Variants in AFF1 observed in about 807,000 individuals in gnomAD.
AFF1 encodes the protein AF4/FMR2 family member 1.
AFF1 carries 48 observed loss-of-function variants against 121.7 expected under a neutral mutation model. That is an observed-to-expected ratio of 0.39 (90% CI 0.31 to 0.50). The LOEUF is 0.50. Ranked by LOEUF, AFF1 falls within the 20% of genes least tolerant of loss-of-function variation. The pLI is 0.76. For synonymous variants in AFF1, 613 were observed against 563.0 expected (o/e 1.09, Z -1.26); for missense variants, 1,523 against 1,511.7 (o/e 1.01, Z -0.12).
At chr4:86,981,465 T>C (rs1045185015) in intron 2 of AFF1, among the ~76,000 whole-genome samples, 1 of 152,034 alleles carries the variant, frequency 6.6e-6, no homozygotes, top group Non-Finnish European at 1.5e-5. Context: ...CTTCCCAGGT[T>C]CAAGCAATTC....
At chr4:87,118,026 C>T (rs907516002) in intron 12 of AFF1, among the ~76,000 whole-genome samples, 1 of 152,178 alleles carries the variant, frequency 6.6e-6, no homozygotes, top group Admixed American at 6.5e-5. Context: ...TCATTGTGTT[C>T]ATTTTAAATG....
At chr4:87,045,888 C>T (rs1730637556) in intron 2 of AFF1, among the ~76,000 whole-genome samples, 1 of 152,062 alleles carries the variant, frequency 6.6e-6, no homozygotes, top group African/African-American at 2.4e-5. Flanking sequence ...AAAGGCTGTT[C>T]AGTTTGGAAC....
At chr4:86,951,215 T>C (rs1197438225) in intron 2 of AFF1, among the ~76,000 whole-genome samples, 1 of 152,204 alleles carries the variant, frequency 6.6e-6, no homozygotes. Flanking sequence ...ACAGGCTTTC[T>C]AATTCAGAAC....
intron 2 of AFF1, among the ~76,000 whole-genome samples, chr4:86,953,508 G>A (rs1721522258): frequency 2.0e-5 from 3 of 152,142 alleles, no homozygotes; most frequent in South Asian, 4.1e-4. Context: ...AATGTAATGT[G>A]CAAAGACAAT....
At chr4:87,026,773 A>G (rs1160336912) in intron 2 of AFF1, among the ~76,000 whole-genome samples, 2 of 152,196 alleles carry the variant, frequency 1.3e-5, no homozygotes, top group African/African-American at 2.4e-5. Flanking sequence ...GGTAATACCT[A>G]TTGTATTACA....
At chr4:87,036,230 A>G (rs1017025709) in intron 2 of AFF1, among the ~76,000 whole-genome samples, 3 of 152,182 alleles carry the variant, frequency 2.0e-5, no homozygotes, top group African/African-American at 7.2e-5. Context: ...TGTGGAGGGT[A>G]ATTTCTGTAT....
chr4:86,979,426 G>T (rs1723559444), intron 2 of AFF1, among the ~76,000 whole-genome samples: 1 of 152,188 alleles, frequency 6.6e-6, no homozygotes, highest in African/African-American at 2.4e-5. Flanking sequence ...ACACTGGGAA[G>T]CTCCTGCTGT....
chr4:87,113,482 G>C (rs906027865), intron 11 of AFF1, among the ~76,000 whole-genome samples: 2 of 152,204 alleles, frequency 1.3e-5, no homozygotes, highest in Non-Finnish European at 2.9e-5. Context: ...TGTTGCCCAG[G>C]CTGGTCTTGA....
At chr4:87,027,406 T>G (rs903946505) in intron 2 of AFF1, among the ~76,000 whole-genome samples, 3 of 152,250 alleles carry the variant, frequency 2.0e-5, no homozygotes, top group Non-Finnish European at 4.4e-5. Context: ...CTCACAAGTT[T>G]AGGACCACTC....
intron 2 of AFF1, among the ~76,000 whole-genome samples, chr4:87,020,425 G>C (rs1727779837): frequency 6.6e-6 from 1 of 152,180 alleles, no homozygotes; most frequent in Non-Finnish European, 1.5e-5. Context: ...ATGAATAAAA[G>C]CCTCATATGA....
chr4:87,128,052 G>C (rs763064293), intron 16 of AFF1, among the ~76,000 whole-genome samples: 3 of 152,158 alleles, frequency 2.0e-5, no homozygotes, highest in African/African-American at 7.2e-5. Flanking sequence ...TTAATGCATA[G>C]GTGCCTTTTT....
intron 2 of AFF1, among the ~76,000 whole-genome samples, chr4:86,994,692 G>A (rs966730812): frequency 1.3e-5 from 2 of 152,194 alleles, no homozygotes; most frequent in African/African-American, 4.8e-5. Flanking sequence ...TGAAGGATAA[G>A]CTATCAGAGA....
In AFF1 at chr4:87,103,859, T is replaced by C. The variant is rs114585746; in HGVS notation, c.1284-1769T>C. Reference sequence around the variant, plus strand: ...AAATCAGTTTTATTCAAAACAAACCTAGTAACTAAGAAAGAGGTCAGTTTT... The same window carrying C: ...AAATCAGTTTTATTCAAAACAAACCCAGTAACTAAGAAAGAGGTCAGTTTT... On this transcript the variant is annotated intron_variant, in intron 8 of 20. Coordinates refer to ENST00000395146, the MANE Select transcript of AFF1 (RefSeq NM_001166693.3). Among the ~76,000 whole-genome samples the C allele has an allele frequency of 7.3e-3, 1,108 of 152,318 alleles. 13 individuals carry two copies. Among genetic ancestry groups the C allele is most frequent in the African/African-American group, 0.025 (1,055 of 41,564 alleles).
intron 4 of AFF1, among the ~76,000 whole-genome samples, chr4:87,051,673 T>A (rs1466568144): frequency 6.6e-6 from 1 of 152,064 alleles, no homozygotes; most frequent in Non-Finnish European, 1.5e-5. Context: ...TTTCACCATG[T>A]TGGCCAGGAT....
intron 2 of AFF1, among the ~76,000 whole-genome samples, chr4:87,029,567 G>A (rs1728866565): frequency 1.3e-5 from 2 of 152,158 alleles, no homozygotes; most frequent in African/African-American, 4.8e-5. Flanking sequence ...ACACCCGCCT[G>A]CTGGAATAGA....
At chr4:87,104,094 A>G (rs892495173) in intron 8 of AFF1, among the ~76,000 whole-genome samples, 3 of 152,212 alleles carry the variant, frequency 2.0e-5, no homozygotes, top group Admixed American at 1.3e-4. Context: ...ACTGAAGGCT[A>G]TATTTTCTAG....
At chr4:87,127,270 C>T (rs180960384) in intron 15 of AFF1, among the ~76,000 whole-genome samples, 153 bp downstream of exon 15, 57 of 151,088 alleles carry the variant, frequency 3.8e-4, no homozygotes, top group Non-Finnish European at 7.1e-4. Context: ...AAGTGATTCT[C>T]CTGCCTCAGC....
At chr4:87,068,050 AATACT>A (rs1721554270) in intron 4 of AFF1, among the ~76,000 whole-genome samples, 1 of 143,240 alleles carries the variant, frequency 7.0e-6, no homozygotes, top group Non-Finnish European at 1.5e-5. Context: ...ACCTCAGTAA[AATACT>A]AAAGTGACTG....
At chr4:87,070,529 A>T (rs976277577) in intron 4 of AFF1, among the ~76,000 whole-genome samples, 1 of 152,284 alleles carries the variant, frequency 6.6e-6, no homozygotes, top group Non-Finnish European at 1.5e-5. Context: ...AAAGCTAAAA[A>T]CTGAAAATAT....
Sources: allele counts gnomAD v4.1 joint callset (sites outside exome capture counted in the v4.1 genomes callset), GRCh38; gene constraint gnomAD v4.1.1; transcripts MANE v1.5; gene names NCBI Gene and HGNC (gene_info 2026-07-23, HGNC 2026-07-21).